The following ABCA10 variants were observed in gnomAD, a reference collection of about 807,000 sequenced individuals.
ABCA10 encodes the protein ATP binding cassette subfamily A member 10.
Under a neutral mutation model 187.5 loss-of-function variants are expected in ABCA10, and 169 were observed. The observed-to-expected ratio is 0.90, with a 90% CI of 0.80 to 1.02. The LOEUF (loss-of-function observed/expected upper bound fraction) is 1.02, where lower values mean the gene tolerates loss of function less well. Ranked by LOEUF, ABCA10 falls within the 50% of genes least tolerant of loss-of-function variation. The pLI, the probability that ABCA10 is intolerant of heterozygous loss-of-function variation, is 0.00. For synonymous variants in ABCA10, 574 were observed against 601.8 expected, an observed-to-expected ratio of 0.95 and a Z score of 0.68; for missense variants, 1,727 against 1,812.4, an observed-to-expected ratio of 0.95 and a Z score of 0.86.
intron 25 of ABCA10, among the ~76,000 whole-genome samples, chr17:69,172,764 A>G (rs1279169676): frequency 6.6e-6 from 1 of 150,988 alleles, no homozygotes; most frequent in Non-Finnish European, 1.5e-5. Context: ...AACTTCAAGA[A>G]TATCAAAAAT....
At chr17:69,182,640 A>T in intron 21 of ABCA10, 35 bp downstream of exon 21, 1 of 1,535,264 alleles carries the variant, frequency 6.5e-7, no homozygotes, top group African/African-American at 1.4e-5. Flanking sequence ...AACAAAAAAA[A>T]ACCAAAAAAA....
At chr17:69,166,857 A>G (rs1287003649) in intron 25 of ABCA10, among the ~76,000 whole-genome samples, 1 of 152,176 alleles carries the variant, frequency 6.6e-6, no homozygotes, top group Non-Finnish European at 1.5e-5. Flanking sequence ...GAAAAGTGCC[A>G]CAAAGGACAC....
At chr17:69,222,337 CA>C (rs34320016) in intron 4 of ABCA10, among the ~76,000 whole-genome samples, 195 bp downstream of exon 4, 90,289 of 135,536 alleles carry the variant, frequency 0.67, 28,953 homozygotes, top group Middle Eastern at 0.71. Flanking sequence ...GACTCCATCT[CA>C]AAAAAAAAAA....
At chr17:69,228,182 C>G (rs2074808082) in intron 1 of ABCA10, among the ~76,000 whole-genome samples, 1 of 151,898 alleles carries the variant, frequency 6.6e-6, no homozygotes, top group Non-Finnish European at 1.5e-5. Flanking sequence ...ATACAGAGGT[C>G]TACTTAAACA....
intron 11 of ABCA10, among the ~76,000 whole-genome samples, chr17:69,196,858 C>T (rs1325033788): frequency 2.0e-5 from 3 of 152,164 alleles, no homozygotes; most frequent in South Asian, 4.1e-4. Flanking sequence ...CAAAAAAATA[C>T]GAAAACCAGT....
At chr17:69,171,534 G>A (rs75256713) in intron 25 of ABCA10, among the ~76,000 whole-genome samples, 2,663 of 152,286 alleles carry the variant, frequency 0.017, 68 homozygotes, top group African/African-American at 0.061. Flanking sequence ...GAGACTTTAA[G>A]TCAGACAGGC....
At chr17:69,175,616 C>A in intron 22 of ABCA10, 103 bp from the exon 23 acceptor site, 1 of 876,970 alleles carries the variant, frequency 1.1e-6, no homozygotes, top group Non-Finnish European at 1.7e-6. Flanking sequence ...TAGAAGCATT[C>A]ACCTGATTTA....
chr17:69,243,282 G>A (rs1171373444), intron 1 of ABCA10, among the ~76,000 whole-genome samples: 2 of 152,170 alleles, frequency 1.3e-5, no homozygotes, highest in East Asian at 3.9e-4. Flanking sequence ...GATATGTTCT[G>A]GGAAATGCAT....
chr17:69,156,235 A>C (rs2074173608), intron 28 of ABCA10, among the ~76,000 whole-genome samples: 2 of 152,170 alleles, frequency 1.3e-5, no homozygotes, highest in Non-Finnish European at 2.9e-5. Context: ...GATCATGACC[A>C]CATTCCTCAT....
At chr17:69,168,307 G>A (rs571947401) in intron 25 of ABCA10, among the ~76,000 whole-genome samples, 23 of 152,182 alleles carry the variant, frequency 1.5e-4, no homozygotes, top group South Asian at 1.0e-3. Context: ...CTCTTACTCC[G>A]ACGTTGTTCA....
At chr17:69,166,227 T>C (rs1458033059) in intron 25 of ABCA10, among the ~76,000 whole-genome samples, 2 of 152,100 alleles carry the variant, frequency 1.3e-5, no homozygotes, top group African/African-American at 4.8e-5. Context: ...TTGCAGATCT[T>C]TCATTGTGTT....
intron 22 of ABCA10, among the ~76,000 whole-genome samples, chr17:69,179,518 G>A (rs1401930991): frequency 6.6e-6 from 1 of 152,150 alleles, no homozygotes; most frequent in Non-Finnish European, 1.5e-5. Context: ...AAAGCCTCAA[G>A]AGTAACTTCT....
intron 34 of ABCA10, 149 bp from the exon 35 acceptor site, chr17:69,152,630 T>C: frequency 4.2e-6 from 5 of 1,183,110 alleles, no homozygotes; most frequent in Non-Finnish European, 5.7e-6. Context: ...CACAAAAAAA[T>C]TTAAAAATTA....
At position 69,196,976 on chromosome 17, in the gene ABCA10, C is replaced by T. The variant is rs1336270283; in HGVS notation, c.1234+88G>A. On this transcript the variant is annotated intron_variant, in intron 11 of 38. Coordinates refer to ENST00000690296, the MANE Select transcript of ABCA10 (RefSeq NM_001377321.1). ...CGAGATGGCGGCACTACAGTCCAGC[C>T]TCCGCTTGGCATCAGAGGGAGACCG... 10 of 938,636 alleles carry T rather than the reference C, an allele frequency of 1.1e-5. No individual in the cohort carries two copies. The Admixed American group carries it at 2.1e-4, about 20-fold the overall frequency. The allele number at this position is 938,636 out of a possible 1,614,324, so 58.1% of individuals were successfully genotyped here.
intron 9 of ABCA10, among the ~76,000 whole-genome samples, chr17:69,207,087 A>C (rs1353809821): frequency 6.6e-6 from 1 of 152,240 alleles, no homozygotes; most frequent in Non-Finnish European, 1.5e-5. Flanking sequence ...AAGGACCTAA[A>C]TAAACATTTC....
In ABCA10 at chr17:69,220,724, G is replaced by A. The variant is rs568842102; in HGVS notation, c.304-953C>T. 3.9e-5 allele frequency among the ~76,000 whole-genome samples: 6 copies of A among 152,284 alleles called. No individual in the cohort carries two copies. In the East Asian group the frequency reaches 5.8e-4, roughly 15 times the overall value. On this transcript the variant is annotated intron_variant, in intron 5 of 38. Transcript: ENST00000690296. ...TCAGATACATGGAGCTAGAGCAGAC[G>A]TCTAGCTCTTTTAGTCCCTAGCTCC...
intron 16 of ABCA10, among the ~76,000 whole-genome samples, chr17:69,192,217 G>A (rs1462025658): frequency 1.3e-5 from 2 of 152,102 alleles, no homozygotes; most frequent in African/African-American, 4.8e-5. Context: ...CCAGCTATTC[G>A]GGAGGCTGAG....
intron 25 of ABCA10, among the ~76,000 whole-genome samples, chr17:69,167,627 T>C (rs2144770762): frequency 6.6e-6 from 1 of 152,242 alleles, no homozygotes; most frequent in African/African-American, 2.4e-5. Context: ...CAAGACAATT[T>C]GATGGAAAGG....
chr17:69,157,153 T>A (rs529944370), intron 27 of ABCA10, among the ~76,000 whole-genome samples: 22 of 152,286 alleles, frequency 1.4e-4, no homozygotes, highest in African/African-American at 4.1e-4. Flanking sequence ...TTAATTTTTT[T>A]AAAAACTTTT....
Sources: gnomAD v4.1 joint callset for allele counts (sites outside exome capture counted in the v4.1 genomes callset) on GRCh38, gnomAD v4.1.1 for gene constraint, MANE v1.5 for transcripts, NCBI Gene and HGNC (gene_info 2026-07-23, HGNC 2026-07-21) for gene names.